The following KCNH1 variants were observed in gnomAD, a reference collection of about 807,000 sequenced individuals.
KCNH1 encodes the protein voltage-gated delayed rectifier potassium channel KCNH1.
Under a neutral mutation model 69.2 loss-of-function variants are expected in KCNH1, and 27 were observed. The ratio of observed to expected loss-of-function variants is 0.39; its 90% CI spans 0.29 to 0.54. The LOEUF is 0.54. Ranked by LOEUF, KCNH1 falls within the 20% of genes least tolerant of loss-of-function variation. The pLI is 0.68. For synonymous variants in KCNH1, 456 were observed against 487.7 expected (o/e 0.93, Z 0.86); for missense variants, 798 against 1,261.6 (o/e 0.63, Z 5.57).
chr1:211,016,422 A>G (rs1689492236), intron 6 of KCNH1, among the ~76,000 whole-genome samples: 1 of 152,212 alleles, frequency 6.6e-6, no homozygotes, highest in African/African-American at 2.4e-5. Context: ...CCATTACTCT[A>G]AATAGAAAAT....
chr1:210,972,926 CAAA>C (rs34391382), intron 6 of KCNH1, among the ~76,000 whole-genome samples: 1 of 134,200 alleles, frequency 7.5e-6, no homozygotes, highest in Non-Finnish European at 1.6e-5. Context: ...CCAAACGTCT[CAAA>C]AAAAAAAAAA....
At chr1:211,031,070 T>A (rs1050130561) in intron 5 of KCNH1, among the ~76,000 whole-genome samples, 13 of 149,904 alleles carry the variant, frequency 8.7e-5, no homozygotes, top group African/African-American at 1.5e-4. Flanking sequence ...ATGGCTAAAA[T>A]TTTTTTTAAA....
intron 7 of KCNH1, among the ~76,000 whole-genome samples, chr1:210,857,940 A>G (rs1378040035): frequency 6.6e-6 from 1 of 152,148 alleles, no homozygotes; most frequent in African/African-American, 2.4e-5. Flanking sequence ...CAGATACCAC[A>G]ATCAACAAGA....
At chr1:210,686,596 A>G (rs1681413514) in intron 10 of KCNH1, among the ~76,000 whole-genome samples, 1 of 152,196 alleles carries the variant, frequency 6.6e-6, no homozygotes, top group Admixed American at 6.5e-5. Flanking sequence ...AGAAAAGGGG[A>G]AGGAGAGAAA....
chr1:210,697,222 A>G (rs1054324934), intron 10 of KCNH1, among the ~76,000 whole-genome samples: 10 of 152,200 alleles, frequency 6.6e-5, no homozygotes, highest in African/African-American at 2.4e-4. Context: ...GAAGGTCATC[A>G]GAGCCCTGGA....
intron 8 of KCNH1, among the ~76,000 whole-genome samples, chr1:210,798,078 C>A (rs1684355217): frequency 7.1e-6 from 1 of 140,108 alleles, no homozygotes; most frequent in African/African-American, 2.8e-5. Flanking sequence ...CTTGCTCTGT[C>A]TCCCAGGCTG....
chr1:210,999,214 T>C (rs566590704), intron 6 of KCNH1, among the ~76,000 whole-genome samples: 50 of 152,188 alleles, frequency 3.3e-4, no homozygotes, highest in Non-Finnish European at 4.3e-4. Flanking sequence ...AAAAAATCAA[T>C]GAATCCAGGG....
intron 7 of KCNH1, among the ~76,000 whole-genome samples, chr1:210,907,440 T>C (rs1289634685): frequency 6.6e-6 from 1 of 151,894 alleles, no homozygotes; most frequent in African/African-American, 2.4e-5. Context: ...GGTGAGATTC[T>C]GCATGAGGAG....
intron 5 of KCNH1, among the ~76,000 whole-genome samples, chr1:211,080,114 G>A (rs886998475): frequency 3.9e-5 from 6 of 152,290 alleles, no homozygotes; most frequent in Non-Finnish European, 8.8e-5. Flanking sequence ...AGCAACTTCA[G>A]CAAAGTCTCA....
At chr1:211,078,173 G>A (rs191860875) in intron 5 of KCNH1, among the ~76,000 whole-genome samples, 1,684 of 152,300 alleles carry the variant, frequency 0.011, 15 homozygotes, top group Non-Finnish European at 0.015. Context: ...AATCATGGGA[G>A]AGGTTAATAA....
intron 7 of KCNH1, among the ~76,000 whole-genome samples, chr1:210,882,740 A>C (rs1686523476): frequency 6.6e-6 from 1 of 152,156 alleles, no homozygotes; most frequent in Non-Finnish European, 1.5e-5. Flanking sequence ...TTTTCTTTTC[A>C]GGCTGAATGT....
intron 7 of KCNH1, among the ~76,000 whole-genome samples, chr1:210,826,186 G>A (rs1485924845): frequency 1.3e-5 from 2 of 152,104 alleles, no homozygotes; most frequent in Admixed American, 6.6e-5. Flanking sequence ...AAGATAGCCT[G>A]AGAAGTACTG....
intron 10 of KCNH1, among the ~76,000 whole-genome samples, chr1:210,690,470 C>G (rs898326010): frequency 6.6e-6 from 1 of 152,168 alleles, no homozygotes; most frequent in Admixed American, 6.5e-5. Context: ...GGTTTCCTCA[C>G]CCACCAGCCT....
In KCNH1 at chr1:211,002,600, A is replaced by C. The variant is rs527606840; in HGVS notation, c.1032+16183T>G. Among the ~76,000 whole-genome samples, 14 of 152,252 alleles carry C rather than the reference A, an allele frequency of 9.2e-5. No homozygotes were observed. The South Asian group carries it at 2.7e-3, about 29-fold the overall frequency. On this transcript the variant is annotated intron_variant, in intron 6 of 10. Coordinates refer to ENST00000271751, the MANE Select transcript of KCNH1 (RefSeq NM_172362.3). ...ACTTTATGAGATAAAAGGAAAAATC[A>C]AGAATTTCTGCTGAAAACTTAAAAC...
At chr1:210,997,723 C>A (rs554894840) in intron 6 of KCNH1, among the ~76,000 whole-genome samples, 4 of 151,982 alleles carry the variant, frequency 2.6e-5, no homozygotes, top group African/African-American at 9.7e-5. Context: ...GATTCACCAA[C>A]GTTGAAATGA....
intron 9 of KCNH1, among the ~76,000 whole-genome samples, chr1:210,790,406 A>G (rs1274000612): frequency 6.6e-6 from 1 of 152,146 alleles, no homozygotes; most frequent in Admixed American, 6.5e-5. Flanking sequence ...ACTCATCAGA[A>G]TCGCCTCTCT....
Position 211,066,675 on chromosome 1 carries a change from T to C in KCNH1, c.558+16105A>G, listed in dbSNP as rs183546264. On this transcript the variant is annotated intron_variant, in intron 5 of 10. Transcript: ENST00000271751. ...AGTACATATTATCCTCATTTCAAAT[T>C]ACTATTGCTATTTCAAGAGAAGAAA... 3.3e-5 allele frequency among the ~76,000 whole-genome samples: 5 copies of C among 152,300 alleles called. No individual in the cohort carries two copies. In the East Asian group the frequency reaches 9.7e-4, roughly 29 times the overall value.
chr1:211,090,770 T>C, intron 3 of KCNH1, 80 bp from the exon 4 acceptor site: 4 of 1,224,410 alleles, frequency 3.3e-6, no homozygotes, highest in Non-Finnish European at 3.5e-6. Flanking sequence ...TGGGAATGAA[T>C]AGGTACAAAT....
At chr1:210,694,640 T>C (rs1344330291) in intron 10 of KCNH1, among the ~76,000 whole-genome samples, 1 of 152,240 alleles carries the variant, frequency 6.6e-6, no homozygotes, top group Non-Finnish European at 1.5e-5. Context: ...CCAGGCCCCC[T>C]GGGGAGAGCC....
Sources: gnomAD v4.1 joint callset for allele counts (sites outside exome capture counted in the v4.1 genomes callset) on GRCh38, gnomAD v4.1.1 for gene constraint, MANE v1.5 for transcripts, NCBI Gene and HGNC (gene_info 2026-07-23, HGNC 2026-07-21) for gene names.